Variants in ROPN1B observed in about 807,000 individuals in gnomAD.
The protein encoded by ROPN1B is rhophilin associated tail protein 1B.
In ROPN1B, 13 loss-of-function variants were observed where a neutral mutation model predicts 23.7. That is an observed-to-expected ratio of 0.55 (90% CI 0.36 to 0.87). ROPN1B has a LOEUF of 0.87. ROPN1B is among the 40% of genes least tolerant of loss of function. The probability of loss-of-function intolerance (pLI) is 0.01; values close to 1 mark genes in which losing one functional copy is unlikely to be tolerated. For missense variants in ROPN1B, 183 were observed against 249.2 expected, an observed-to-expected ratio of 0.73 and a Z score of 1.79; for synonymous variants, 67 against 100.4, an observed-to-expected ratio of 0.67 and a Z score of 1.99.
At chr3:125,976,832 G>C (rs1468546772) in intron 4 of ROPN1B, 172 bp from the exon 5 acceptor site, 15 of 860,048 alleles carry the variant, frequency 1.7e-5, no homozygotes, top group Non-Finnish European at 2.6e-5. Context: ...CTCTTCACTA[G>C]GATTTGCAAA....
rs189652821 is a variant in ROPN1B, at chr3:125,977,276, C to T, written c.396+111C>T. Reference sequence around the variant, plus strand: ...CTCTGCAGGGCTGATGATAAACATGCCTCTTCTCCTATTGTCCTTCTCCTC... The same window carrying T: ...CTCTGCAGGGCTGATGATAAACATGTCTCTTCTCCTATTGTCCTTCTCCTC... On this transcript the variant is annotated intron_variant, in intron 5 of 6. Transcript: ENST00000514116. The T allele has an allele frequency of 4.0e-5, 58 of 1,449,900 alleles. No homozygotes were observed. The East Asian group carries it at 1.2e-3, about 31-fold the overall frequency. The allele number at this position is 1,449,900 out of a possible 1,614,324, so 89.8% of individuals were successfully genotyped here.
At chr3:125,977,552 G>T (rs1293047024) in intron 5 of ROPN1B, 2 of 277,916 alleles carry the variant, frequency 7.2e-6, no homozygotes, top group Non-Finnish European at 1.4e-5. Flanking sequence ...GTTTAAAAGG[G>T]GTACAATCTT....
At chr3:125,970,800 C>T (rs1938172312) in intron 1 of ROPN1B, among the ~76,000 whole-genome samples, 1 of 152,086 alleles carries the variant, frequency 6.6e-6, no homozygotes, top group Admixed American at 6.6e-5. Flanking sequence ...TCATGAAGTC[C>T]CACCAATCTA....
At chr3:125,980,248 T>C (rs1479070124) in intron 5 of ROPN1B, among the ~76,000 whole-genome samples, 1 of 152,252 alleles carries the variant, frequency 6.6e-6, no homozygotes, top group Non-Finnish European at 1.5e-5. Flanking sequence ...ATTAAATCTT[T>C]AAAAATATTT....
Position 125,972,083 on chromosome 3 carries a change from T to A in ROPN1B, c.29T>A (p.Ile10Asn). The change falls in exon 3 of 7, where the codon ATC becomes AAC. Residue 10 changes from isoleucine to asparagine, a missense_variant. Ile to Asn is a moderately radical substitution (Grantham distance 149, BLOSUM62 -3). Coordinates refer to ENST00000514116, the MANE Select transcript of ROPN1B (RefSeq NM_001308313.2). ...GCTCAGACAGATAAGCCAACATGCA[T>A]CCCGCCGGAGCTGCCGAAAATGCTG... MAQTDKPTC[I>N]PPELPKMLKE... 6.2e-7 allele frequency: 1 copy of A among 1,614,144 alleles called. No homozygotes were observed. Among genetic ancestry groups the A allele is most frequent in the Non-Finnish European group, 8.5e-7 (1 of 1,180,018 alleles).
chr3:125,975,823 A>C, intron 4 of ROPN1B, 143 bp downstream of exon 4: 1 of 679,598 alleles, frequency 1.5e-6, no homozygotes, highest in Non-Finnish European at 2.3e-6. Flanking sequence ...GACTGAAAGT[A>C]AATCTTCCCT....
chr3:125,974,925 C>A (rs190465507), intron 3 of ROPN1B, among the ~76,000 whole-genome samples: 1 of 152,172 alleles, frequency 6.6e-6, no homozygotes, highest in African/African-American at 2.4e-5. Flanking sequence ...TCACTACATA[C>A]GGCCAGAAAT....
chr3:125,971,315 G>A (rs1938194807), intron 2 of ROPN1B, among the ~76,000 whole-genome samples, 153 bp downstream of exon 2: 1 of 152,156 alleles, frequency 6.6e-6, no homozygotes, highest in Non-Finnish European at 1.5e-5. Flanking sequence ...GTGTTTTGAA[G>A]AGGGACAGCT....
intron 5 of ROPN1B, among the ~76,000 whole-genome samples, chr3:125,981,948 A>G (rs900679718): frequency 1.3e-5 from 2 of 152,240 alleles, no homozygotes; most frequent in Admixed American, 1.3e-4. Flanking sequence ...CTAATTATAT[A>G]GAATGCAAAT....
chr3:125,975,939 C>T (rs923763950), intron 4 of ROPN1B, among the ~76,000 whole-genome samples: 7 of 152,226 alleles, frequency 4.6e-5, no homozygotes, highest in Admixed American at 3.9e-4. Context: ...CAATGCAATG[C>T]TAATCTTGTC....
Position 125,983,262 on chromosome 3 carries a change from C to A in ROPN1B, c.581C>A (p.Pro194His). ...TACCTTTATCCAAACAGAATTGGTCCTGATGGTTTAATCACGGTGAATGAC... is the reference window on the plus strand; with the variant it reads ...TACCTTTATCCAAACAGAATTGGTCATGATGGTTTAATCACGGTGAATGAC... ...LNYIEQEVIG[P>H]DGLITVNDFT... Residue 194 changes from proline to histidine, a missense_variant, in exon 7 of 7, where the codon CCT (proline) becomes CAT (histidine). Pro to His is a moderately conservative substitution (Grantham distance 77). Around this residue, in one of 3 missense-constraint regions of ROPN1B, gnomAD observed 80 missense variants for 98.0 expected, o/e 0.82. Coordinates refer to ENST00000514116, the MANE Select transcript of ROPN1B (RefSeq NM_001308313.2). 6.2e-7 allele frequency: 1 copy of A among 1,612,556 alleles called. No individual in the cohort carries two copies. Among genetic ancestry groups the A allele is most frequent in the Non-Finnish European group, 8.5e-7 (1 of 1,178,714 alleles).
chr3:125,979,366 T>C (rs1277419151), intron 5 of ROPN1B, among the ~76,000 whole-genome samples: 1 of 152,174 alleles, frequency 6.6e-6, no homozygotes, highest in Admixed American at 6.5e-5. Flanking sequence ...AATTCATATA[T>C]TGAAATCTCA....
intron 5 of ROPN1B, among the ~76,000 whole-genome samples, chr3:125,982,060 G>A (rs1938626768): frequency 6.6e-6 from 1 of 152,088 alleles, no homozygotes; most frequent in South Asian, 2.1e-4. Flanking sequence ...TTCTAACAAA[G>A]AAAGAAAAAT....
At chr3:125,973,836 A>G (rs1234007487) in intron 3 of ROPN1B, 3 of 153,388 alleles carry the variant, frequency 2.0e-5, no homozygotes, top group East Asian at 3.8e-4. Context: ...AAAACTCTGC[A>G]AAGTGTTTCC....
At chr3:125,970,993 C>T (rs1457726412) in intron 1 of ROPN1B, 124 bp from the exon 2 acceptor site, 1 of 153,684 alleles carries the variant, frequency 6.5e-6, no homozygotes, top group Admixed American at 6.5e-5. Context: ...TTTTCAGCCA[C>T]ACCTTTTCAC....
In ROPN1B at chr3:125,971,164, T is replaced by C. The variant is rs1023787267; in HGVS notation, c.-13+2T>C. 4 of 153,300 alleles carry C rather than the reference T, an allele frequency of 2.6e-5. No individual in the cohort carries two copies. Among genetic ancestry groups the C allele is most frequent in the African/African-American group, 9.7e-5 (4 of 41,432 alleles). The allele number at this position is 153,300 out of a possible 1,614,324, so 9.5% of individuals were successfully genotyped here. A position where few individuals can be genotyped will look rare whatever the true frequency, so the allele number is the denominator to read the frequency against. ...TTCCTGCCATCTACATGTGCCCAGG[T>C]GAGCCCTAGTTTCTTCATTTGCCCA... is the stretch of plus-strand genomic sequence containing the variant. On this transcript the variant is annotated splice_donor_variant, in intron 2 of 6. Transcript: ENST00000514116. LOFTEE classifies it low-confidence loss of function (5UTR_SPLICE).
chr3:125,972,038 A>C lies in ROPN1B; in HGVS notation c.-12-5A>C. 1 of 1,612,906 alleles carries C rather than the reference A, an allele frequency of 6.2e-7. No homozygotes were observed. Among genetic ancestry groups the C allele is most frequent in the Non-Finnish European group, 8.5e-7 (1 of 1,179,198 alleles). On this transcript the variant is annotated splice_region_variant and splice_polypyrimidine_tract_variant and intron_variant, in intron 2 of 6. Transcript: ENST00000514116. Reference sequence around the variant, plus strand: ...CATCTTATGTATTTTTTCTCCTGAGAATAGGTCAACCAATCAATGGCTCAG... The same window carrying C: ...CATCTTATGTATTTTTTCTCCTGAGCATAGGTCAACCAATCAATGGCTCAG...
chr3:125,980,618 C>T (rs1938579646), intron 5 of ROPN1B, among the ~76,000 whole-genome samples: 1 of 152,120 alleles, frequency 6.6e-6, no homozygotes, highest in Non-Finnish European at 1.5e-5. Flanking sequence ...TGTTCAAATA[C>T]AATTGCATTC....
intron 3 of ROPN1B, chr3:125,973,685 C>T (rs1938297977): frequency 6.5e-6 from 1 of 153,220 alleles, no homozygotes; most frequent in Non-Finnish European, 1.5e-5. Context: ...TTTAGACATC[C>T]ATGAAAACTT....
Sources: allele counts gnomAD v4.1 joint callset (sites outside exome capture counted in the v4.1 genomes callset), GRCh38; gene constraint gnomAD v4.1.1; regional missense constraint gnomAD v4.1.1; transcripts MANE v1.5; gene names NCBI Gene and HGNC (gene_info 2026-07-23, HGNC 2026-07-21).